STK39: variants seen among roughly 807,000 people sequenced by gnomAD.
STK39 encodes STE20/SPS1-related proline-alanine-rich protein kinase.
In STK39, 20 loss-of-function variants were observed where a neutral mutation model predicts 77.8. That is an observed-to-expected ratio of 0.26 (90% CI 0.18 to 0.37). The LOEUF (loss-of-function observed/expected upper bound fraction) is 0.37. Among genes scored for constraint, STK39 ranks in the 10% least tolerant of loss-of-function variants. STK39 has a pLI of 1.00. For missense variants in STK39, 479 were observed against 656.5 expected, an observed-to-expected ratio of 0.73 and a Z score of 2.95; for synonymous variants, 246 against 234.1, an observed-to-expected ratio of 1.05 and a Z score of -0.47.
At chr2:168,202,754 G>A (rs924883306) in intron 1 of STK39, among the ~76,000 whole-genome samples, 2 of 150,868 alleles carry the variant, frequency 1.3e-5, no homozygotes, top group Non-Finnish European at 3.0e-5. Flanking sequence ...GAAACATCTA[G>A]AGAGATTAAA....
chr2:168,018,524 G>GA (rs1218697669), intron 14 of STK39, among the ~76,000 whole-genome samples: 191 of 90,000 alleles, frequency 2.1e-3, no homozygotes, highest in African/African-American at 0.012. Context: ...AGAAAGAAAA[G>GA]AAAGAAAAGA....
At chr2:168,179,118 C>T (rs1419708611) in intron 2 of STK39, among the ~76,000 whole-genome samples, 4 of 152,114 alleles carry the variant, frequency 2.6e-5, no homozygotes, top group African/African-American at 9.7e-5. Flanking sequence ...ATTGTTTCTT[C>T]TAGGAACAAT....
At chr2:168,210,237 T>A (rs1689857295) in intron 1 of STK39, among the ~76,000 whole-genome samples, 1 of 152,164 alleles carries the variant, frequency 6.6e-6, no homozygotes, top group Non-Finnish European at 1.5e-5. Flanking sequence ...AAACTGACAC[T>A]TTTCACAAAT....
intron 16 of STK39, among the ~76,000 whole-genome samples, chr2:168,008,417 G>A (rs1171542424): frequency 6.6e-6 from 1 of 152,192 alleles, no homozygotes; most frequent in Non-Finnish European, 1.5e-5. Context: ...GAAAGGTGGA[G>A]ATGATGCCTA....
chr2:168,202,692 T>C (rs991175088), intron 1 of STK39, among the ~76,000 whole-genome samples: 2 of 151,900 alleles, frequency 1.3e-5, no homozygotes, highest in African/African-American at 4.8e-5. Flanking sequence ...TAGAATGCTG[T>C]GCCTGGATTG....
chr2:168,108,645 A>AT (rs1298761267), intron 10 of STK39, among the ~76,000 whole-genome samples: 1 of 152,080 alleles, frequency 6.6e-6, no homozygotes. Context: ...CATAAAGGTC[A>AT]TTCCCCCCTT....
intron 16 of STK39, among the ~76,000 whole-genome samples, chr2:167,986,996 T>A (rs1032368497): frequency 2.0e-5 from 3 of 152,176 alleles, no homozygotes; most frequent in Non-Finnish European, 4.4e-5. Context: ...CCAACAAGAC[T>A]GTGGGCTGTA....
intron 1 of STK39, among the ~76,000 whole-genome samples, chr2:168,193,611 G>C (rs1384124360): frequency 6.6e-6 from 1 of 152,248 alleles, no homozygotes; most frequent in East Asian, 1.9e-4. Context: ...GCCACCTGCA[G>C]ATCCCACAAT....
chr2:168,211,937 T>G (rs768774425), intron 1 of STK39, among the ~76,000 whole-genome samples: 6 of 152,232 alleles, frequency 3.9e-5, no homozygotes, highest in Non-Finnish European at 5.9e-5. Context: ...AGGTGGTGGT[T>G]AACTGCCCCA....
At chr2:168,173,983 A>C (rs557577177) in intron 2 of STK39, among the ~76,000 whole-genome samples, 1 of 152,352 alleles carries the variant, frequency 6.6e-6, no homozygotes, top group African/African-American at 2.4e-5. Flanking sequence ...TTACAAATCA[A>C]TCAACGAATG....
At chr2:168,133,844 C>T (rs1268669482) in intron 8 of STK39, among the ~76,000 whole-genome samples, 1 of 142,670 alleles carries the variant, frequency 7.0e-6, no homozygotes, top group South Asian at 2.4e-4. Context: ...GGTGACAAAG[C>T]GAGACTCTGT....
At chr2:168,127,135 A>G (rs1326861881) in intron 10 of STK39, among the ~76,000 whole-genome samples, 1 of 152,124 alleles carries the variant, frequency 6.6e-6, no homozygotes, top group African/African-American at 2.4e-5. Flanking sequence ...ATATGTAATA[A>G]GTTTTTTGTT....
chr2:168,036,819 A>G (rs1474326379), intron 14 of STK39, among the ~76,000 whole-genome samples: 2 of 152,210 alleles, frequency 1.3e-5, no homozygotes, highest in Non-Finnish European at 2.9e-5. Flanking sequence ...AGAGGTTGAG[A>G]AAGGAGAAGA....
intron 10 of STK39, among the ~76,000 whole-genome samples, chr2:168,107,857 T>G (rs979563004): frequency 3.9e-5 from 6 of 152,228 alleles, no homozygotes; most frequent in Non-Finnish European, 7.3e-5. Context: ...TCCTAAACTT[T>G]GGGTAAAGAG....
intron 1 of STK39, among the ~76,000 whole-genome samples, chr2:168,203,151 C>T (rs943261671): frequency 2.0e-5 from 3 of 152,062 alleles, no homozygotes; most frequent in African/African-American, 7.2e-5. Flanking sequence ...AAAAATGTCT[C>T]CAGACACTGG....
At chr2:168,199,384 A>G (rs980486053) in intron 1 of STK39, among the ~76,000 whole-genome samples, 38 of 152,324 alleles carry the variant, frequency 2.5e-4, no homozygotes, top group Non-Finnish European at 4.9e-4. Flanking sequence ...ATCACAGGAG[A>G]AACTGGACTC....
intron 4 of STK39, among the ~76,000 whole-genome samples, chr2:168,163,447 C>G (rs1012608825): frequency 6.6e-6 from 1 of 152,224 alleles, no homozygotes; most frequent in African/African-American, 2.4e-5. Flanking sequence ...GCAACTGAAG[C>G]AATCCCAAGG....
intron 1 of STK39, among the ~76,000 whole-genome samples, chr2:168,206,246 CCT>C (rs1227863014): frequency 6.6e-6 from 1 of 152,126 alleles, no homozygotes; most frequent in Non-Finnish European, 1.5e-5. Context: ...CAGAAAAACA[CCT>C]GATGAGTCAA....
intron 16 of STK39, among the ~76,000 whole-genome samples, chr2:167,972,195 C>A (rs1034261889): frequency 2.0e-5 from 3 of 152,228 alleles, no homozygotes; most frequent in Admixed American, 6.5e-5. Flanking sequence ...ACCAGTCAGA[C>A]TCTGGCCTCT....
Sources: allele counts gnomAD v4.1 joint callset (sites outside exome capture counted in the v4.1 genomes callset), GRCh38; gene constraint gnomAD v4.1.1; transcripts MANE v1.5; gene names NCBI Gene and HGNC (gene_info 2026-07-23, HGNC 2026-07-21).